CADM1: variants seen among roughly 807,000 people sequenced by gnomAD.
CADM1 encodes TSLC-1.
A neutral mutation model predicts 53.1 loss-of-function variants in CADM1; 15 were observed. That is an observed-to-expected ratio of 0.28 (90% confidence interval 0.19 to 0.44). The LOEUF (loss-of-function observed/expected upper bound fraction) is 0.44. Among genes scored for constraint, CADM1 ranks in the 20% least tolerant of loss-of-function variants. The probability of loss-of-function intolerance (pLI) is 1.00; values close to 1 mark genes in which losing one functional copy is unlikely to be tolerated. For synonymous variants in CADM1, 281 were observed against 243.0 expected, an observed-to-expected ratio of 1.16 and a Z score of -1.45; for missense variants, 434 against 611.3, an observed-to-expected ratio of 0.71 and a Z score of 3.06.
intron 8 of CADM1, among the ~76,000 whole-genome samples, chr11:115,205,008 C>T (rs1940610127): frequency 6.6e-6 from 1 of 152,186 alleles, no homozygotes; most frequent in African/African-American, 2.4e-5. Flanking sequence ...AAATGACCTA[C>T]TTCATTCTTA....
At chr11:115,227,494 AT>A (rs1941655149) in intron 5 of CADM1, among the ~76,000 whole-genome samples, 1 of 152,314 alleles carries the variant, frequency 6.6e-6, no homozygotes, top group Middle Eastern at 3.4e-3. Context: ...GAGCTAATGT[AT>A]TATTAAAGCT....
rs1174823667 is a variant in CADM1, at chr11:115,233,135, TTGG to T, written c.425-1648_425-1646del. ...ACATACTTCCTTAGCAAGATAGTGT[TTGG>T]TGGTGGTGGTGGCGGGGGGTGTAAT... On this transcript the variant is annotated intron_variant, in intron 3 of 11. Transcript: ENST00000331581. Among the ~76,000 whole-genome samples, 15 of 152,014 alleles carry T rather than the reference TTGG, an allele frequency of 9.9e-5. 1 individual carries two copies. The highest frequency in any genetic ancestry group is 7.2e-4 in the Admixed American group (11 of 15,262).
intron 1 of CADM1, among the ~76,000 whole-genome samples, chr11:115,260,768 G>A (rs902522840): frequency 9.9e-5 from 15 of 152,048 alleles, no homozygotes; most frequent in Admixed American, 4.6e-4. Context: ...CGCCTCCCAG[G>A]TTCACTCCAT....
chr11:115,342,284 C>T (rs559963778), intron 1 of CADM1, among the ~76,000 whole-genome samples: 1 of 152,234 alleles, frequency 6.6e-6, no homozygotes, highest in African/African-American at 2.4e-5. Context: ...AAACTGAATT[C>T]CAATTTGACC....
Position 115,175,848 on chromosome 11 carries a change from C to G in CADM1, c.*626G>C. 1.0e-6 allele frequency: 1 copy of G among 993,810 alleles called. No individual in the cohort carries two copies. The highest frequency in any genetic ancestry group is 1.2e-6 in the Non-Finnish European group (1 of 834,920). 61.6% of individuals were successfully genotyped at this position (993,810 alleles called of 1,614,324 possible). A position where few individuals can be genotyped will look rare whatever the true frequency, so the allele number is the denominator to read the frequency against. On this transcript the variant is annotated 3_prime_UTR_variant, in exon 12 of 12. Transcript: ENST00000331581. ...CTCTAAGTATTTGAAACATGGGCAG[C>G]AGCAAAGAGTTTTCATTGTTTGTTC...
chr11:115,196,595 T>TAAAAAAAAAAAAAAAAAA (rs61694033), intron 9 of CADM1, among the ~76,000 whole-genome samples: 6 of 76,890 alleles, frequency 7.8e-5, no homozygotes, highest in South Asian at 7.5e-4. Flanking sequence ...GCTGATGAAC[T>TAAAAAAAAAAAAAAAAAA]AAAAAAAAAA....
intron 1 of CADM1, among the ~76,000 whole-genome samples, chr11:115,330,949 G>A (rs990273245): frequency 1.3e-5 from 2 of 152,078 alleles, no homozygotes; most frequent in Admixed American, 6.6e-5. Context: ...TGAACAAAAG[G>A]GTACAGGGTA....
chr11:115,302,013 T>C (rs1212966300), intron 1 of CADM1, among the ~76,000 whole-genome samples: 1 of 151,980 alleles, frequency 6.6e-6, no homozygotes, highest in South Asian at 2.1e-4. Context: ...GTAAAAATGA[T>C]ATCAGGTAAA....
chr11:115,474,048 AC>A (rs1197929966), intron 1 of CADM1, among the ~76,000 whole-genome samples: 1 of 152,036 alleles, frequency 6.6e-6, no homozygotes, highest in Non-Finnish European at 1.5e-5. Flanking sequence ...GTAATCCAGC[AC>A]TTTGCGAGGC....
intron 1 of CADM1, among the ~76,000 whole-genome samples, chr11:115,413,889 C>T (rs781410219): frequency 3.4e-4 from 52 of 152,082 alleles, no homozygotes; most frequent in Non-Finnish European, 6.6e-4. Context: ...ATGATCCACC[C>T]GCCTCGGACT....
intron 1 of CADM1, among the ~76,000 whole-genome samples, chr11:115,301,828 T>C (rs1454966643): frequency 6.6e-6 from 1 of 152,008 alleles, no homozygotes; most frequent in Non-Finnish European, 1.5e-5. Context: ...TTATAAGAAT[T>C]AAATAGCAAT....
intron 1 of CADM1, among the ~76,000 whole-genome samples, chr11:115,439,596 G>A (rs1948262529): frequency 6.6e-6 from 1 of 152,168 alleles, no homozygotes. Context: ...TTGCAGAGAT[G>A]TCCACATGCT....
chr11:115,346,921 A>G (rs1945593913), intron 1 of CADM1, among the ~76,000 whole-genome samples: 1 of 152,198 alleles, frequency 6.6e-6, no homozygotes, highest in Non-Finnish European at 1.5e-5. Context: ...TTAACAAAGA[A>G]TAATAATACC....
chr11:115,358,057 A>G (rs1208282320), intron 1 of CADM1, among the ~76,000 whole-genome samples: 1 of 152,168 alleles, frequency 6.6e-6, no homozygotes, highest in Non-Finnish European at 1.5e-5. Flanking sequence ...CAGTTTAATG[A>G]GTTCTGGCAC....
At chr11:115,237,278 G>A (rs1010646209) in intron 3 of CADM1, among the ~76,000 whole-genome samples, 1 of 152,172 alleles carries the variant, frequency 6.6e-6, no homozygotes, top group Non-Finnish European at 1.5e-5. Context: ...AACCACAATA[G>A]TGACAAATAT....
chr11:115,287,071 C>T (rs1275914823), intron 1 of CADM1, among the ~76,000 whole-genome samples: 1 of 152,082 alleles, frequency 6.6e-6, no homozygotes, highest in Non-Finnish European at 1.5e-5. Flanking sequence ...GAAACACTGC[C>T]TTTCCTTTCT....
At chr11:115,427,884 G>A (rs191516104) in intron 1 of CADM1, among the ~76,000 whole-genome samples, 2 of 151,724 alleles carry the variant, frequency 1.3e-5, no homozygotes, top group African/African-American at 4.8e-5. Context: ...GCACACGCCT[G>A]CAGTCCCAGC....
At chr11:115,205,677 A>G (rs890075358) in intron 8 of CADM1, among the ~76,000 whole-genome samples, 1 of 151,960 alleles carries the variant, frequency 6.6e-6, no homozygotes, top group East Asian at 1.9e-4. Context: ...TTGACACAAT[A>G]AAAAAAAGGA....
intron 1 of CADM1, among the ~76,000 whole-genome samples, chr11:115,466,330 A>G (rs1309541878): frequency 6.6e-6 from 1 of 152,238 alleles, no homozygotes; most frequent in Non-Finnish European, 1.5e-5. Flanking sequence ...CAATGTACTC[A>G]GCATTATCTA....
Sources: allele counts gnomAD v4.1 joint callset (sites outside exome capture counted in the v4.1 genomes callset), GRCh38; gene constraint gnomAD v4.1.1; transcripts MANE v1.5; gene names NCBI Gene and HGNC (gene_info 2026-07-23, HGNC 2026-07-21).